LUZP2: variants seen among roughly 807,000 people sequenced by gnomAD.
LUZP2 encodes leucine zipper protein 2.
LUZP2 carries 52 observed loss-of-function variants against 51.6 expected under a neutral mutation model. That is an observed-to-expected ratio of 1.01 (90% confidence interval 0.81 to 1.27). The LOEUF (loss-of-function observed/expected upper bound fraction) is 1.27, where lower values mean the gene tolerates loss of function less well. LUZP2 is among the 50% of genes most tolerant of loss of function. The pLI, the probability that LUZP2 is intolerant of heterozygous loss-of-function variation, is 0.00. For synonymous variants in LUZP2, 154 were observed against 137.3 expected (o/e 1.12, Z -0.85); for missense variants, 436 against 395.4 (o/e 1.10, Z -0.87).
chr11:24,924,414 T>C (rs1236828749), intron 7 of LUZP2, among the ~76,000 whole-genome samples: 1 of 152,112 alleles, frequency 6.6e-6, no homozygotes, highest in Non-Finnish European at 1.5e-5. Context: ...CTTTTTACTT[T>C]CCTCTTTACT....
At chr11:24,582,122 T>A (rs558346645) in intron 1 of LUZP2, among the ~76,000 whole-genome samples, 1 of 152,292 alleles carries the variant, frequency 6.6e-6, no homozygotes, top group African/African-American at 2.4e-5. Context: ...AATAAGCAAG[T>A]TCTGATTTCT....
intron 1 of LUZP2, among the ~76,000 whole-genome samples, chr11:24,721,466 G>A (rs1270867469): frequency 6.6e-6 from 1 of 152,174 alleles, no homozygotes; most frequent in East Asian, 1.9e-4. Flanking sequence ...TATCAATTCT[G>A]TTGAGCACTG....
chr11:24,826,190 A>AAAAAAAAATATATATATATAT (rs1215786412), intron 5 of LUZP2, among the ~76,000 whole-genome samples: 4 of 67,538 alleles, frequency 5.9e-5, no homozygotes, highest in African/African-American at 2.4e-4. Flanking sequence ...AAAAAAAAAA[A>AAAAAAAAATATATATATATAT]ATATATATAT....
At position 25,080,471 on chromosome 11, in the gene LUZP2, C is replaced by A. The variant is rs928876520; in HGVS notation, c.*1813C>A. ...GGAGCATTCATATTTTTCATAAAAC[C>A]GGCTACCCAAGGAAAAAAATAATTA... On this transcript the variant is annotated 3_prime_UTR_variant, in exon 12 of 12. Transcript: ENST00000336930. 2 of 131,826 alleles carry A rather than the reference C, an allele frequency of 1.5e-5. No individual in the cohort carries two copies. Among genetic ancestry groups the A allele is most frequent in the Admixed American group, 8.0e-5 (1 of 12,558 alleles). The allele number at this position is 131,826 out of a possible 1,614,324, so 8.2% of individuals were successfully genotyped here. A position where few individuals can be genotyped will look rare whatever the true frequency, so the allele number is the denominator to read the frequency against.
At chr11:24,959,636 T>C (rs1329303512) in intron 7 of LUZP2, among the ~76,000 whole-genome samples, 1 of 152,232 alleles carries the variant, frequency 6.6e-6, no homozygotes, top group East Asian at 1.9e-4. Context: ...GCTTATCAAC[T>C]TAAGGAGATT....
chr11:24,625,716 A>AAAT (rs1409282378), intron 1 of LUZP2, among the ~76,000 whole-genome samples: 2 of 152,120 alleles, frequency 1.3e-5, no homozygotes, highest in African/African-American at 4.8e-5. Context: ...AAAAAAAAAA[A>AAAT]AATCAAAGTT....
At chr11:24,570,005 C>T (rs1852382635) in intron 1 of LUZP2, among the ~76,000 whole-genome samples, 1 of 152,038 alleles carries the variant, frequency 6.6e-6, no homozygotes, top group South Asian at 2.1e-4. Flanking sequence ...GTTACTAAAG[C>T]ATAACTAAAA....
At chr11:25,010,107 T>A (rs1216174146) in intron 9 of LUZP2, among the ~76,000 whole-genome samples, 2 of 152,200 alleles carry the variant, frequency 1.3e-5, no homozygotes, top group East Asian at 3.8e-4. Flanking sequence ...ACACTGTTTT[T>A]TAAAACTATC....
chr11:25,003,830 T>A (rs1192568098), intron 9 of LUZP2, among the ~76,000 whole-genome samples: 1 of 152,096 alleles, frequency 6.6e-6, no homozygotes, highest in Admixed American at 6.6e-5. Flanking sequence ...AGATAATAAC[T>A]CCAGCTTTGG....
intron 10 of LUZP2, among the ~76,000 whole-genome samples, chr11:25,050,998 A>G (rs1858492948): frequency 6.6e-6 from 1 of 152,224 alleles, no homozygotes; most frequent in African/African-American, 2.4e-5. Context: ...TAGATTTGAG[A>G]ACAGCAAATG....
intron 9 of LUZP2, among the ~76,000 whole-genome samples, chr11:24,993,865 G>T (rs992077041): frequency 5.3e-5 from 8 of 150,164 alleles, no homozygotes; most frequent in Non-Finnish European, 1.0e-4. Context: ...TCTTTTTTTT[G>T]GGGGGGGTGT....
At chr11:24,910,148 G>C (rs914755995) in intron 6 of LUZP2, among the ~76,000 whole-genome samples, 5 of 152,124 alleles carry the variant, frequency 3.3e-5, no homozygotes. Context: ...ACTTGTGAGA[G>C]ATAATTTAGG....
intron 5 of LUZP2, among the ~76,000 whole-genome samples, chr11:24,795,952 T>C (rs994717532): frequency 3.3e-5 from 5 of 152,254 alleles, no homozygotes; most frequent in East Asian, 1.9e-4. Context: ...CCTACTCTAC[T>C]GTCCAAGAAC....
At chr11:24,996,694 G>C (rs1326295610) in intron 9 of LUZP2, among the ~76,000 whole-genome samples, 1 of 150,744 alleles carries the variant, frequency 6.6e-6, no homozygotes, top group Non-Finnish European at 1.5e-5. Context: ...ATGTATACAT[G>C]TGCCATGCTG....
At chr11:24,922,816 C>G (rs1186847686) in intron 7 of LUZP2, among the ~76,000 whole-genome samples, 1 of 127,876 alleles carries the variant, frequency 7.8e-6, no homozygotes, top group Non-Finnish European at 1.6e-5. Context: ...CCAAGTGGCA[C>G]AGTTATATCT....
chr11:24,967,262 T>G (rs1002868079), intron 7 of LUZP2, among the ~76,000 whole-genome samples: 1 of 151,952 alleles, frequency 6.6e-6, no homozygotes. Flanking sequence ...GTATTTTATC[T>G]GTACATTCAT....
chr11:24,565,850 AGCAT>A (rs1329545861), intron 1 of LUZP2, among the ~76,000 whole-genome samples: 1 of 152,210 alleles, frequency 6.6e-6, no homozygotes, highest in African/African-American at 2.4e-5. Flanking sequence ...GTTTCTTTAT[AGCAT>A]TAAAACACAG....
At chr11:24,646,977 TG>T (rs1855481435) in intron 1 of LUZP2, among the ~76,000 whole-genome samples, 1 of 152,180 alleles carries the variant, frequency 6.6e-6, no homozygotes, top group African/African-American at 2.4e-5. Flanking sequence ...TTTCATTACT[TG>T]GAGACCTTGA....
chr11:24,509,776 C>T (rs1850250826), intron 1 of LUZP2, among the ~76,000 whole-genome samples: 1 of 151,930 alleles, frequency 6.6e-6, no homozygotes, highest in South Asian at 2.1e-4. Context: ...TGGTAACACA[C>T]TATCATTAGC....
Sources: gnomAD v4.1 joint callset for allele counts (sites outside exome capture counted in the v4.1 genomes callset) on GRCh38, gnomAD v4.1.1 for gene constraint, MANE v1.5 for transcripts, NCBI Gene and HGNC (gene_info 2026-07-23, HGNC 2026-07-21) for gene names.